The following ANK3 variants were observed in gnomAD, a reference collection of about 807,000 sequenced individuals.
ANK3 encodes ankyrin 3.
In ANK3, 57 loss-of-function variants were observed where a neutral mutation model predicts 370.9. That is an observed-to-expected ratio of 0.15 (90% CI 0.12 to 0.19). The LOEUF (loss-of-function observed/expected upper bound fraction) is 0.19. ANK3 is among the 10% of genes least tolerant of loss of function. The pLI is 1.00. For missense variants in ANK3, 4,439 were observed against 5,302.1 expected (o/e 0.84, Z 5.06); for synonymous variants, 1,929 against 1,946.3 (o/e 0.99, Z 0.23).
intron 2 of ANK3, among the ~76,000 whole-genome samples, chr10:60,559,953 G>A (rs1723850152): frequency 6.6e-6 from 1 of 152,142 alleles, no homozygotes; most frequent in African/African-American, 2.4e-5. Flanking sequence ...AGAGGCAGGA[G>A]AATCGCTTGA....
chr10:60,690,275 C>T (rs928107670), intron 1 of ANK3, among the ~76,000 whole-genome samples: 5 of 151,996 alleles, frequency 3.3e-5, no homozygotes, highest in Admixed American at 6.6e-5. Flanking sequence ...TGAAGCAGGG[C>T]GGGGCATCAC....
At chr10:60,180,594 C>CAAAAAAAAAAAAAAAAAAAAAAAA (rs58386273) in intron 18 of ANK3, among the ~76,000 whole-genome samples, 7 of 63,422 alleles carry the variant, frequency 1.1e-4, no homozygotes, top group South Asian at 7.0e-4. Flanking sequence ...GACTCCGTCT[C>CAAAAAAAAAAAAAAAAAAAAAAAA]AAAAAAAAAA....
intron 1 of ANK3, among the ~76,000 whole-genome samples, chr10:60,648,415 T>G (rs1334656989): frequency 7.2e-6 from 1 of 139,532 alleles, no homozygotes; most frequent in Non-Finnish European, 1.5e-5. Flanking sequence ...CCTCTCGGCC[T>G]CCCAAAGTGC....
At chr10:60,495,844 A>G (rs2075640653) in intron 2 of ANK3, among the ~76,000 whole-genome samples, 1 of 152,110 alleles carries the variant, frequency 6.6e-6, no homozygotes, top group African/African-American at 2.4e-5. Flanking sequence ...ATTTTTTTAT[A>G]AGACTCCCAA....
At chr10:60,643,718 C>T (rs1471807829) in intron 1 of ANK3, among the ~76,000 whole-genome samples, 4 of 152,174 alleles carry the variant, frequency 2.6e-5, no homozygotes, top group East Asian at 3.9e-4. Flanking sequence ...CCCCATCTCC[C>T]GAAGCCCAGT....
chr10:60,136,638 C>T (rs1470218690), intron 24 of ANK3, among the ~76,000 whole-genome samples: 1 of 152,136 alleles, frequency 6.6e-6, no homozygotes, highest in East Asian at 1.9e-4. Flanking sequence ...TTTAATTTCT[C>T]TATGAGTGCC....
chr10:60,179,683 A>T lies in ANK3; in HGVS notation c.2184+1646T>A, dbSNP rs577951829. Among the ~76,000 whole-genome samples, 3 of 123,968 alleles carry T rather than the reference A, an allele frequency of 2.4e-5. No individual in the cohort carries two copies. The East Asian group carries it at 6.7e-4, about 28-fold the overall frequency. 81.3% of individuals were successfully genotyped at this position (123,968 alleles called of 152,430 possible). The stretch of plus-strand genomic sequence containing the variant: ...GTGACAGAGTGAGACTCCCTCTTGG[A>T]GGAAAAAAAAAAAAAAAGACTACCA... On this transcript the variant is annotated intron_variant, in intron 18 of 43. Transcript: ENST00000280772.
At chr10:60,402,166 C>A (rs566252676) in intron 2 of ANK3, among the ~76,000 whole-genome samples, 38 of 152,214 alleles carry the variant, frequency 2.5e-4, no homozygotes, top group African/African-American at 8.7e-4. Flanking sequence ...ACCAGTGCCA[C>A]ATTTTGAATT....
chr10:60,108,816 A>T lies in ANK3; in HGVS notation c.3173+14T>A, dbSNP rs757488651. On this transcript the variant is annotated intron_variant, in intron 27 of 43. Coordinates refer to ENST00000280772, the MANE Select transcript of ANK3 (RefSeq NM_020987.5). ...ATTGTGAGGGCCAAGGTTAAAATTG[A>T]CAAAACAACTTACCCTAAAAATTGT... 6.2e-7 allele frequency: 1 copy of T among 1,609,940 alleles called. No homozygotes were observed. The highest frequency in any genetic ancestry group is 1.1e-5 in the South Asian group (1 of 90,956).
At chr10:60,421,217 T>C (rs1043966108) in intron 2 of ANK3, among the ~76,000 whole-genome samples, 1 of 152,014 alleles carries the variant, frequency 6.6e-6, no homozygotes, top group Non-Finnish European at 1.5e-5. Context: ...AGAGTTTATG[T>C]TTGGGGTGAT....
At chr10:60,412,003 T>C (rs1160176106) in intron 2 of ANK3, among the ~76,000 whole-genome samples, 1 of 152,164 alleles carries the variant, frequency 6.6e-6, no homozygotes, top group Non-Finnish European at 1.5e-5. Flanking sequence ...AAAAGGCTTA[T>C]GAACACCATA....
At position 60,074,461 on chromosome 10, in the gene ANK3, G is replaced by A. The variant is rs756166500; in HGVS notation, c.6420C>T (p.Ala2140=). The change falls in exon 37 of 44, where the codon GCC becomes GCT. Residue 2140 remains alanine, a synonymous_variant. Coordinates refer to ENST00000280772, the MANE Select transcript of ANK3 (RefSeq NM_020987.5). The stretch of plus-strand genomic sequence containing the variant: ...GACCAGTGCTTTCAGCGCTTTGTGG[G>A]GCTGAAGGTGTCTTTTCACTTCTTG... ...FETRSEKTPS[A]PQSAESTGPK... 3.1e-6 allele frequency: 5 copies of A among 1,613,926 alleles called. No homozygotes were observed. The highest frequency in any genetic ancestry group is 1.1e-5 in the South Asian group (1 of 91,054).
chr10:60,462,678 T>C (rs1217574455), intron 2 of ANK3, among the ~76,000 whole-genome samples: 1 of 151,960 alleles, frequency 6.6e-6, no homozygotes, highest in Non-Finnish European at 1.5e-5. Context: ...AGTGGTTTTC[T>C]ACTTAGGATG....
At chr10:60,718,557 T>C (rs2079820794) in intron 1 of ANK3, among the ~76,000 whole-genome samples, 1 of 152,164 alleles carries the variant, frequency 6.6e-6, no homozygotes, top group African/African-American at 2.4e-5. Context: ...AATTTTACTC[T>C]ATAAAAACAT....
chr10:60,164,824 T>C (rs1040068222), intron 23 of ANK3, among the ~76,000 whole-genome samples: 1 of 152,162 alleles, frequency 6.6e-6, no homozygotes, highest in African/African-American at 2.4e-5. Context: ...AGGAATCCTT[T>C]TCAACATTAA....
At chr10:60,521,195 T>A (rs1048667845) in intron 2 of ANK3, among the ~76,000 whole-genome samples, 1 of 152,126 alleles carries the variant, frequency 6.6e-6, no homozygotes, top group Non-Finnish European at 1.5e-5. Flanking sequence ...AACATCTATA[T>A]GTTACATCAG....
At chr10:60,287,655 T>A (rs1253205357) in intron 1 of ANK3, among the ~76,000 whole-genome samples, 2 of 146,408 alleles carry the variant, frequency 1.4e-5, no homozygotes, top group Non-Finnish European at 3.1e-5. Context: ...GGCAGAAACC[T>A]AACTTTCTTA....
chr10:60,221,084 C>CTT (rs34771679), intron 8 of ANK3, among the ~76,000 whole-genome samples: 9,506 of 142,128 alleles, frequency 0.067, 352 homozygotes, highest in South Asian at 0.1. Context: ...TTGATTTTGC[C>CTT]TTTTTTTTTT....
At chr10:60,534,820 C>T (rs546797188) in intron 2 of ANK3, among the ~76,000 whole-genome samples, 11 of 152,054 alleles carry the variant, frequency 7.2e-5, no homozygotes, top group Non-Finnish European at 1.5e-4. Context: ...TTCTTATTAC[C>T]ACAACTGGTA....
Sources: allele counts gnomAD v4.1 joint callset (sites outside exome capture counted in the v4.1 genomes callset), GRCh38; gene constraint gnomAD v4.1.1; transcripts MANE v1.5; gene names NCBI Gene and HGNC (gene_info 2026-07-23, HGNC 2026-07-21).